SLC24A2: variants seen among roughly 807,000 people sequenced by gnomAD.
SLC24A2 encodes the protein sodium/potassium/calcium exchanger 2.
SLC24A2 carries 36 observed loss-of-function variants against 62.0 expected under a neutral mutation model. That is an observed-to-expected ratio of 0.58 (90% confidence interval 0.44 to 0.77). The LOEUF is 0.77. Among genes scored for constraint, SLC24A2 ranks in the 30% least tolerant of loss-of-function variants. The pLI is 0.00. For synonymous variants in SLC24A2, 358 were observed against 294.0 expected, an observed-to-expected ratio of 1.22 and a Z score of -2.23; for missense variants, 846 against 817.9, an observed-to-expected ratio of 1.03 and a Z score of -0.42.
the SLC24A2 span, among the ~76,000 whole-genome samples, chr9:20,213,605 A>G: frequency 6.6e-6 from 1 of 152,226 alleles, no homozygotes; most frequent in Non-Finnish European, 1.5e-5. Context: ...TATTTGGAAG[A>G]GAAGATATAG....
At chr9:19,612,371 G>T (rs1837200957) in intron 4 of SLC24A2, among the ~76,000 whole-genome samples, 1 of 152,088 alleles carries the variant, frequency 6.6e-6, no homozygotes, top group Admixed American at 6.6e-5. Flanking sequence ...TAGAGACAGA[G>T]GTCTTGCTAT....
the SLC24A2 span, among the ~76,000 whole-genome samples, chr9:20,239,578 C>G: frequency 1.3e-5 from 2 of 152,148 alleles, no homozygotes; most frequent in African/African-American, 4.8e-5. Context: ...TGCTCTTGCC[C>G]AGGTCTAAGG....
chr9:19,914,911 GTATTT>G, the SLC24A2 span, among the ~76,000 whole-genome samples: 2 of 152,036 alleles, frequency 1.3e-5, 1 homozygote. Context: ...CATTTGATTT[GTATTT>G]TATTTTAAAA....
At chr9:19,802,721 T>A in the SLC24A2 span, among the ~76,000 whole-genome samples, 1 of 152,074 alleles carries the variant, frequency 6.6e-6, no homozygotes, top group African/African-American at 2.4e-5. Context: ...TGTGCGGAAG[T>A]CCAGAAAAAT....
chr9:19,999,414 C>A, the SLC24A2 span, among the ~76,000 whole-genome samples: 1 of 152,134 alleles, frequency 6.6e-6, no homozygotes, highest in Non-Finnish European at 1.5e-5. Flanking sequence ...ACAAATGGTA[C>A]CTTTTCTAGA....
intron 2 of SLC24A2, among the ~76,000 whole-genome samples, chr9:19,702,912 G>A (rs748491675): frequency 6.6e-6 from 1 of 151,868 alleles, no homozygotes; most frequent in Non-Finnish European, 1.5e-5. Flanking sequence ...ATCATGTTGT[G>A]CACCATAAAT....
the SLC24A2 span, among the ~76,000 whole-genome samples, chr9:19,979,961 A>G: frequency 6.6e-6 from 1 of 152,226 alleles, no homozygotes; most frequent in Admixed American, 6.5e-5. Context: ...GATTGCCTGC[A>G]AAGGACACAG....
rs1491267858 is a variant in SLC24A2 at position 19,636,329 on chromosome 9, TTC to T, written c.931-14032_931-14031del. ...CTTTTCTTTTCTTTTCTTTCTTTCT[TTC>T]TTTCTTTCTTTCTTTCTTTCTTTCT... is the stretch of plus-strand genomic sequence containing the variant. On this transcript the variant is annotated intron_variant, in intron 2 of 10. Transcript: ENST00000341998. 7.1e-3 allele frequency among the ~76,000 whole-genome samples: 175 copies of T among 24,492 alleles called. 14 individuals carry two copies. The highest frequency in any genetic ancestry group is 0.027 in the African/African-American group (148 of 5,526). 16.1% of individuals were successfully genotyped at this position (24,492 alleles called of 152,430 possible).
the SLC24A2 span, among the ~76,000 whole-genome samples, chr9:19,870,262 C>G: frequency 6.6e-6 from 1 of 152,112 alleles, no homozygotes; most frequent in Non-Finnish European, 1.5e-5. Context: ...ACATTTCATA[C>G]AAATGGAATC....
At chr9:20,286,990 T>C in the SLC24A2 span, among the ~76,000 whole-genome samples, 1 of 152,264 alleles carries the variant, frequency 6.6e-6, no homozygotes, top group Non-Finnish European at 1.5e-5. Context: ...TTGCTAAAAA[T>C]ACTGATTCCT....
At chr9:19,560,678 A>G (rs906087605) in intron 7 of SLC24A2, among the ~76,000 whole-genome samples, 1 of 152,194 alleles carries the variant, frequency 6.6e-6, no homozygotes, top group Non-Finnish European at 1.5e-5. Context: ...TTTTTCTGGC[A>G]GCCCCAGTAG....
At chr9:19,997,358 A>T in the SLC24A2 span, among the ~76,000 whole-genome samples, 1 of 152,208 alleles carries the variant, frequency 6.6e-6, no homozygotes, top group Non-Finnish European at 1.5e-5. Flanking sequence ...TCAAAAAGTA[A>T]GTTTACTTTA....
At chr9:19,825,744 AT>A in the SLC24A2 span, among the ~76,000 whole-genome samples, 7 of 150,842 alleles carry the variant, frequency 4.6e-5, no homozygotes, top group South Asian at 2.1e-4. Flanking sequence ...ACTAGAACAG[AT>A]TTTTTTTTTC....
intron 7 of SLC24A2, among the ~76,000 whole-genome samples, chr9:19,557,388 T>C (rs1032729257): frequency 6.6e-6 from 1 of 152,076 alleles, no homozygotes; most frequent in Non-Finnish European, 1.5e-5. Context: ...TTACAAAGCT[T>C]TGGGGAAGAA....
chr9:19,516,204 C>G lies in SLC24A2; in HGVS notation c.1935G>C (p.Val645=), dbSNP rs745899137. The change falls in exon 11 of 11, where the codon GTG becomes GTC. Residue 645 remains valine, a synonymous_variant. Coordinates refer to ENST00000341998, the MANE Select transcript of SLC24A2 (RefSeq NM_020344.4). ...TTCTGTCTTCTAGGAGAACGCTCAC[C>G]ACCAGGAACACAAAGTAGAGGCCAA... ...IMFGLYFVFL[V]VSVLLEDRIL... The G allele has an allele frequency of 6.2e-6, 10 of 1,614,050 alleles. No homozygotes were observed. The East Asian group carries it at 2.2e-4, about 36-fold the overall frequency.
chr9:20,006,804 A>C, the SLC24A2 span, among the ~76,000 whole-genome samples: 3 of 152,126 alleles, frequency 2.0e-5, no homozygotes, highest in Non-Finnish European at 2.9e-5. Context: ...TACTACAAAG[A>C]TCTGGAATTG....
At chr9:19,590,254 A>G (rs554785636) in intron 5 of SLC24A2, among the ~76,000 whole-genome samples, 4 of 152,256 alleles carry the variant, frequency 2.6e-5, no homozygotes, top group African/African-American at 9.6e-5. Flanking sequence ...TCATTCATCA[A>G]CTTCCAGACC....
At chr9:20,139,069 A>C in the SLC24A2 span, among the ~76,000 whole-genome samples, 1 of 152,286 alleles carries the variant, frequency 6.6e-6, no homozygotes, top group Non-Finnish European at 1.5e-5. Context: ...ATTCACTTCT[A>C]CATTGCTAAT....
chr9:20,007,866 T>G, the SLC24A2 span, among the ~76,000 whole-genome samples: 1 of 148,962 alleles, frequency 6.7e-6, no homozygotes, highest in Non-Finnish European at 1.5e-5. Context: ...CTTTTAATTC[T>G]TCTTACTCCT....
Sources: gnomAD v4.1 joint callset for allele counts (sites outside exome capture counted in the v4.1 genomes callset) on GRCh38, gnomAD v4.1.1 for gene constraint, MANE v1.5 for transcripts, NCBI Gene and HGNC (gene_info 2026-07-23, HGNC 2026-07-21) for gene names.